The following GPHN variants were observed in gnomAD, a reference collection of about 807,000 sequenced individuals.
The protein encoded by GPHN is gephyrin.
A neutral mutation model predicts 95.5 loss-of-function variants in GPHN; 17 were observed. That is an observed-to-expected ratio of 0.18 (90% CI 0.12 to 0.27). The LOEUF (loss-of-function observed/expected upper bound fraction) is 0.27, where lower values mean the gene tolerates loss of function less well. Ranked by LOEUF, GPHN falls within the 10% of genes least tolerant of loss-of-function variation. The pLI, the probability that GPHN is intolerant of heterozygous loss-of-function variation, is 1.00. For missense variants in GPHN, 660 were observed against 978.1 expected, an observed-to-expected ratio of 0.67 and a Z score of 4.34; for synonymous variants, 320 against 322.5, an observed-to-expected ratio of 0.99 and a Z score of 0.08.
chr14:67,532,515 G>A, the GPHN span, among the ~76,000 whole-genome samples: 1 of 152,162 alleles, frequency 6.6e-6, no homozygotes, highest in Non-Finnish European at 1.5e-5. Context: ...CTGAGAACGA[G>A]GAGCACATGG....
the GPHN span, among the ~76,000 whole-genome samples, chr14:67,660,816 A>G: frequency 6.6e-6 from 1 of 152,240 alleles, no homozygotes; most frequent in Non-Finnish European, 1.5e-5. Context: ...CTGAGCATCA[A>G]ACAAATCAGT....
chr14:66,692,469 A>C (rs1048670235), intron 2 of GPHN, among the ~76,000 whole-genome samples: 1 of 152,182 alleles, frequency 6.6e-6, no homozygotes, highest in Admixed American at 6.5e-5. Flanking sequence ...CAGATACACT[A>C]TCTGTAGATT....
In GPHN at chr14:67,180,985, CTG is replaced by C; in HGVS notation, c.*50_*51del. 1 of 1,593,914 alleles carries C rather than the reference CTG, an allele frequency of 6.3e-7. No individual in the cohort carries two copies. The highest frequency in any genetic ancestry group is 1.7e-4 in the Middle Eastern group (1 of 5,974). The stretch of plus-strand genomic sequence containing the variant: ...TTGATGCATGTCCACATATCATTGA[CTG>C]TATCCTGTAATATGCAACGGCACAG... On this transcript the variant is annotated 3_prime_UTR_variant, in exon 23 of 23. Coordinates refer to ENST00000478722, the MANE Select transcript of GPHN (RefSeq NM_020806.5).
At chr14:67,223,722 T>C in the GPHN span, 1 of 981,578 alleles carries the variant, frequency 1.0e-6, no homozygotes, top group Non-Finnish European at 1.2e-6. Context: ...CACCTTTTTC[T>C]CCCATGTTTT....
the GPHN span, among the ~76,000 whole-genome samples, chr14:67,362,520 C>T: frequency 6.6e-6 from 1 of 152,132 alleles, no homozygotes; most frequent in Non-Finnish European, 1.5e-5. Flanking sequence ...GTACATGGCA[C>T]AGATGAGAAA....
At chr14:66,633,950 GT>G (rs372091014) in intron 1 of GPHN, among the ~76,000 whole-genome samples, 319 of 129,454 alleles carry the variant, frequency 2.5e-3, no homozygotes, top group East Asian at 9.3e-3. Flanking sequence ...TTTTCTTTCT[GT>G]TTTTTTTTTT....
intron 1 of GPHN, among the ~76,000 whole-genome samples, chr14:66,620,580 G>C (rs919779782): frequency 6.6e-6 from 1 of 152,060 alleles, no homozygotes; most frequent in East Asian, 1.9e-4. Flanking sequence ...CTCCCACCAG[G>C]TTCTTCCCAT....
At chr14:66,882,451 C>T (rs900298051) in intron 5 of GPHN, among the ~76,000 whole-genome samples, 2 of 151,758 alleles carry the variant, frequency 1.3e-5, no homozygotes, top group Non-Finnish European at 3.0e-5. Context: ...TGGTTTCCTA[C>T]TATTTGGACA....
chr14:67,100,157 T>C (rs1358189300), intron 12 of GPHN, among the ~76,000 whole-genome samples: 1 of 152,190 alleles, frequency 6.6e-6, no homozygotes, highest in African/African-American at 2.4e-5. Context: ...AACTCATAAA[T>C]AGAATTTTGA....
chr14:67,610,705 A>G, the GPHN span, among the ~76,000 whole-genome samples: 3 of 152,210 alleles, frequency 2.0e-5, no homozygotes, highest in Admixed American at 2.0e-4. Flanking sequence ...CTTCCTGGGA[A>G]CTGACTCAGC....
chr14:67,133,840 CTATTAA>C (rs2079876187), intron 17 of GPHN, among the ~76,000 whole-genome samples: 1 of 152,118 alleles, frequency 6.6e-6, no homozygotes, highest in Non-Finnish European at 1.5e-5. Flanking sequence ...ACAGAGAGTG[CTATTAA>C]TATTGGTAGC....
At chr14:67,158,118 C>A (rs1044069278) in intron 18 of GPHN, among the ~76,000 whole-genome samples, 4 of 151,852 alleles carry the variant, frequency 2.6e-5, no homozygotes, top group Admixed American at 6.6e-5. Context: ...ACAAGCCTGG[C>A]CAACCTGGTG....
the GPHN span, among the ~76,000 whole-genome samples, chr14:67,191,627 T>C: frequency 2.0e-5 from 3 of 152,150 alleles, no homozygotes; most frequent in Non-Finnish European, 4.4e-5. Flanking sequence ...AACAATCCCA[T>C]ATCCGTATCT....
At chr14:66,587,631 A>C (rs1241804999) in intron 1 of GPHN, among the ~76,000 whole-genome samples, 1 of 152,228 alleles carries the variant, frequency 6.6e-6, no homozygotes, top group Non-Finnish European at 1.5e-5. Flanking sequence ...AAATATGGCT[A>C]TCTGAATAGA....
the GPHN span, chr14:67,316,765 AT>A: frequency 1.5e-6 from 2 of 1,322,460 alleles, no homozygotes; most frequent in South Asian, 2.8e-5. Context: ...TCCCTTCTTG[AT>A]TAAAAAAAAA....
chr14:66,947,124 T>A (rs372014123), intron 8 of GPHN, among the ~76,000 whole-genome samples: 9 of 152,226 alleles, frequency 5.9e-5, no homozygotes, highest in African/African-American at 2.2e-4. Context: ...ATTTCTAGGC[T>A]CTTCTCTTAC....
the GPHN span, among the ~76,000 whole-genome samples, chr14:67,317,141 A>G: frequency 6.6e-6 from 1 of 152,242 alleles, no homozygotes; most frequent in Non-Finnish European, 1.5e-5. Context: ...GTCTTTATAC[A>G]AACAGTGTAA....
the GPHN span, chr14:67,690,287 T>C: frequency 6.2e-7 from 1 of 1,614,180 alleles, no homozygotes; most frequent in Non-Finnish European, 8.5e-7. Flanking sequence ...AGGCCTGCAT[T>C]GTAGAATTTC....
intron 11 of GPHN, among the ~76,000 whole-genome samples, chr14:67,064,926 G>C (rs374289882): frequency 2.6e-5 from 4 of 151,974 alleles, no homozygotes; most frequent in Non-Finnish European, 4.4e-5. Context: ...TCGTGTCTCT[G>C]TCTCCTTCAG....
Sources: gnomAD v4.1 joint callset for allele counts (sites outside exome capture counted in the v4.1 genomes callset) on GRCh38, gnomAD v4.1.1 for gene constraint, MANE v1.5 for transcripts, NCBI Gene and HGNC (gene_info 2026-07-23, HGNC 2026-07-21) for gene names.